SBNO1: variants seen among roughly 807,000 people sequenced by gnomAD.
SBNO1 encodes strawberry notch homolog 1.
A neutral mutation model predicts 173.6 loss-of-function variants in SBNO1; 23 were observed. The ratio of observed to expected loss-of-function variants is 0.13; its 90% CI spans 0.10 to 0.19. The LOEUF is 0.19. Ranked by LOEUF, SBNO1 falls within the 10% of genes least tolerant of loss-of-function variation. The probability of loss-of-function intolerance (pLI) is 1.00; values close to 1 mark genes in which losing one functional copy is unlikely to be tolerated. For missense variants in SBNO1, 1,238 were observed against 1,671.2 expected (o/e 0.74, Z 4.52); for synonymous variants, 632 against 571.5 (o/e 1.11, Z -1.51).
At chr12:123,338,134 T>C (rs1173217729) in intron 5 of SBNO1, among the ~76,000 whole-genome samples, 3 of 152,212 alleles carry the variant, frequency 2.0e-5, no homozygotes, top group East Asian at 1.9e-4. Context: ...CAAATCTTCC[T>C]AGATGGGGAA....
chr12:123,305,424 T>C (rs918560109), intron 28 of SBNO1, among the ~76,000 whole-genome samples: 5 of 151,986 alleles, frequency 3.3e-5, no homozygotes, highest in African/African-American at 1.2e-4. Flanking sequence ...GAGGTAAAAA[T>C]GGAAGAAAGG....
chr12:123,295,800 C>A lies in SBNO1; in HGVS notation c.*108G>T, dbSNP rs1053530585. The A allele has an allele frequency of 3.5e-6, 5 of 1,448,714 alleles. No individual in the cohort carries two copies. The Admixed American group carries it at 1.1e-4, about 31-fold the overall frequency. 89.7% of individuals were successfully genotyped at this position (1,448,714 alleles called of 1,614,324 possible). A position where few individuals can be genotyped will look rare whatever the true frequency, so the allele number is the denominator to read the frequency against. On this transcript the variant is annotated 3_prime_UTR_variant, in exon 32 of 32. Transcript: ENST00000602398. ...ACTCCCAAAAAAACTAACTAGAGAG[C>A]ACAACTGAAAAAAATATATAATTCT...
chr12:123,348,550 A>G (rs1040072521), intron 2 of SBNO1, among the ~76,000 whole-genome samples: 5 of 152,166 alleles, frequency 3.3e-5, no homozygotes, highest in Non-Finnish European at 5.9e-5. Flanking sequence ...GAGGATCACA[A>G]GGTCAGGAGA....
Position 123,293,967 on chromosome 12 carries a change from AACAC to A in SBNO1, c.*1937_*1940del. 6.6e-6 allele frequency: 1 copy of A among 152,354 alleles called. No homozygotes were observed. The highest frequency in any genetic ancestry group is 1.9e-4 in the East Asian group (1 of 5,188). The allele number at this position is 152,354 out of a possible 1,614,324, so 9.4% of individuals were successfully genotyped here. A position where few individuals can be genotyped will look rare whatever the true frequency, so the allele number is the denominator to read the frequency against. ...ATGGAAGCTGCCTACTGCTTTTAAA[AACAC>A]ACACATGAGCTGAGAAGTTCTGCTG... On this transcript the variant is annotated 3_prime_UTR_variant, in exon 32 of 32. Transcript: ENST00000602398.
chr12:123,334,284 T>C, intron 6 of SBNO1, 71 bp from the exon 7 acceptor site: 1 of 913,066 alleles, frequency 1.1e-6, no homozygotes, highest in South Asian at 1.8e-5. Context: ...CATTATAAGA[T>C]ATTTCAATGT....
chr12:123,353,617 CAAGTT>C (rs1324328792), intron 1 of SBNO1, among the ~76,000 whole-genome samples: 2 of 152,036 alleles, frequency 1.3e-5, no homozygotes, highest in African/African-American at 4.8e-5. Context: ...AAAAAAAGAC[CAAGTT>C]AACTAATTTT....
intron 1 of SBNO1, 113 bp from the exon 2 acceptor site, chr12:123,350,554 A>C: frequency 1.2e-6 from 1 of 837,254 alleles, no homozygotes. Flanking sequence ...ATTCAGTATT[A>C]ATGAAGAACC....
chr12:123,309,973 A>G, intron 25 of SBNO1, 117 bp from the exon 26 acceptor site: 1 of 757,922 alleles, frequency 1.3e-6, no homozygotes, highest in Non-Finnish European at 2.2e-6. Context: ...TAACTCTTAC[A>G]CTGTCCTCAC....
rs745529113 is a variant in SBNO1, at chr12:123,315,353, T to C, written c.3120+20A>G. 5 of 1,567,484 alleles carry C rather than the reference T, an allele frequency of 3.2e-6. No homozygotes were observed. In the African/African-American group the frequency reaches 4.0e-5, roughly 13 times the overall value. On this transcript the variant is annotated intron_variant, in intron 23 of 31. Transcript: ENST00000602398. The stretch of plus-strand genomic sequence containing the variant: ...ATACACTATCACAAGTTTTCAGAGA[T>C]ACTGAAAATTGAAATGTACCTTATT...
Position 123,298,111 on chromosome 12 carries a change from A to G in SBNO1, c.3906T>C (p.Arg1302=). The change falls in exon 31 of 32, where the codon CGT becomes CGC. Residue 1302 remains arginine (R), a synonymous_variant. Transcript: ENST00000602398. ...CTGAACCACATAATACATAATATGT[A>G]CGGCAACGAAGACCTATTTCACAAA... ...GLVCEIGLRC[R]TYYVLCGSVL... 3 of 1,611,736 alleles carry G rather than the reference A, an allele frequency of 1.9e-6. No individual in the cohort carries two copies. The highest frequency in any genetic ancestry group is 2.5e-6 in the Non-Finnish European group (3 of 1,179,432).
At chr12:123,296,144 C>T (rs1271321693) in intron 31 of SBNO1, 94 bp from the exon 32 acceptor site, 7 of 744,540 alleles carry the variant, frequency 9.4e-6, no homozygotes, top group East Asian at 5.0e-5. Context: ...TAATATTAAG[C>T]GTAATGGACA....
intron 5 of SBNO1, among the ~76,000 whole-genome samples, chr12:123,338,919 C>A (rs1486215010): frequency 3.0e-4 from 5 of 16,940 alleles, no homozygotes; most frequent in Non-Finnish European, 9.5e-4. Context: ...CACGCCCCCC[C>A]CCCCCTCCCC....
intron 2 of SBNO1, 107 bp downstream of exon 2, chr12:123,350,203 A>G: frequency 7.7e-7 from 1 of 1,296,506 alleles, no homozygotes; most frequent in Non-Finnish European, 1.1e-6. Context: ...TCAGTAAGCC[A>G]TGACTGCACC....
chr12:123,347,250 A>G (rs972804582), intron 3 of SBNO1, among the ~76,000 whole-genome samples: 1 of 151,830 alleles, frequency 6.6e-6, no homozygotes, highest in Non-Finnish European at 1.5e-5. Flanking sequence ...TTGTTGAGAC[A>G]GAGTCTCGCT....
At position 123,320,748 on chromosome 12, in the gene SBNO1, A is replaced by G; in HGVS notation, c.2442T>C (p.Pro814=). 1 of 1,612,420 alleles carries G rather than the reference A, an allele frequency of 6.2e-7. No individual in the cohort carries two copies. Among genetic ancestry groups the G allele is most frequent in the Non-Finnish European group, 8.5e-7 (1 of 1,179,474 alleles). Residue 814 remains proline, a synonymous_variant, in exon 18 of 32, where the codon CCT becomes CCC. Transcript: ENST00000602398. ...LLASGLGSKR[P]SFSSTPVISP... Reference sequence around the variant, plus strand: ...AGATAACTGGTGTAGATGAAAAACTAGGTCGTTTTGATCCAAGACCTGATG... The same window carrying G: ...AGATAACTGGTGTAGATGAAAAACTGGGTCGTTTTGATCCAAGACCTGATG...
At chr12:123,361,147 G>A (rs1272076759) in intron 1 of SBNO1, among the ~76,000 whole-genome samples, 1 of 152,200 alleles carries the variant, frequency 6.6e-6, no homozygotes, top group African/African-American at 2.4e-5. Context: ...GGGAGGCTAA[G>A]GCAGGAGAAT....
At chr12:123,305,986 A>G (rs1416531434) in intron 28 of SBNO1, among the ~76,000 whole-genome samples, 1 of 152,318 alleles carries the variant, frequency 6.6e-6, no homozygotes, top group East Asian at 1.9e-4. Context: ...TACACAATAA[A>G]TCATTGTTTG....
chr12:123,311,689 A>AACCT (rs200566566), intron 24 of SBNO1, among the ~76,000 whole-genome samples: 29 of 106,296 alleles, frequency 2.7e-4, no homozygotes, highest in African/African-American at 4.1e-4. Context: ...ATAAACAAGT[A>AACCT]ACCTATCTAT....
At chr12:123,328,303 T>C (rs747589772) in intron 10 of SBNO1, among the ~76,000 whole-genome samples, 2 of 152,198 alleles carry the variant, frequency 1.3e-5, no homozygotes, top group Non-Finnish European at 2.9e-5. Flanking sequence ...ATCTGGTAAC[T>C]TGTAAAAGTA....
Sources: allele counts gnomAD v4.1 joint callset (sites outside exome capture counted in the v4.1 genomes callset), GRCh38; gene constraint gnomAD v4.1.1; transcripts MANE v1.5; gene names NCBI Gene and HGNC (gene_info 2026-07-23, HGNC 2026-07-21).